Variants in ZDBF2 observed in about 807,000 individuals in gnomAD.
ZDBF2 encodes the protein DBF4-type zinc finger-containing protein 2.
A neutral mutation model predicts 9.4 loss-of-function variants in ZDBF2; 6 were observed. The observed-to-expected ratio is 0.64, with a 90% CI of 0.35 to 1.27. The LOEUF is 1.27. Among genes scored for constraint, ZDBF2 ranks in the 50% most tolerant of loss-of-function variants. The pLI is 0.03. For synonymous variants in ZDBF2, 905 were observed against 946.3 expected (o/e 0.96, Z 0.80); for missense variants, 2,697 against 2,766.8 (o/e 0.97, Z 0.57).
chr2:206,278,506 C>G (rs895871), intron 1 of ZDBF2, among the ~76,000 whole-genome samples: 73,460 of 152,010 alleles, frequency 0.48, 19,483 homozygotes, highest in Non-Finnish European at 0.6. Context: ...CCTAAAGATA[C>G]GGTCTAAATT....
intron 4 of ZDBF2, among the ~76,000 whole-genome samples, chr2:206,301,910 G>A (rs528342890): frequency 6.7e-6 from 1 of 148,424 alleles, no homozygotes; most frequent in South Asian, 2.1e-4. Context: ...AAAATATGAT[G>A]TTTTTATTTT....
chr2:206,286,951 G>C (rs142212283), intron 3 of ZDBF2, among the ~76,000 whole-genome samples: 1 of 152,114 alleles, frequency 6.6e-6, no homozygotes, highest in Non-Finnish European at 1.5e-5. Context: ...TAAGTAGGTA[G>C]TAGATCCCTC....
intron 1 of ZDBF2, among the ~76,000 whole-genome samples, chr2:206,278,871 C>T (rs1015976826): frequency 5.9e-5 from 9 of 152,162 alleles, no homozygotes; most frequent in African/African-American, 2.2e-4. Context: ...TTCCCAATTT[C>T]ATTTTAAATT....
rs187923803 is a variant in ZDBF2 at position 206,298,086 on chromosome 2, A to T, written c.188+713A>T. ...TCCACATTAATAGAACTCTTTGCTA[A>T]TTCTGAGGAAAAGAGGTAGCCAAAA... is the stretch of plus-strand genomic sequence containing the variant. On this transcript the variant is annotated intron_variant, in intron 4 of 4. Transcript: ENST00000374423. 2.0e-5 allele frequency among the ~76,000 whole-genome samples: 3 copies of T among 152,348 alleles called. No homozygotes were observed. In the East Asian group the frequency reaches 5.8e-4, roughly 29 times the overall value.
chr2:206,275,374 C>G (rs142222286), intron 1 of ZDBF2, among the ~76,000 whole-genome samples: 1 of 152,212 alleles, frequency 6.6e-6, no homozygotes, highest in Non-Finnish European at 1.5e-5. Context: ...CCCCTTCCCC[C>G]AGTGCCCTGC....
rs1315449041 is a variant in ZDBF2 at position 206,307,005 on chromosome 2, T to C, written c.2477T>C (p.Val826Ala). Residue 826 changes from valine to alanine, a missense_variant, in exon 5 of 5, where the codon GTC (valine) becomes GCC (alanine). By Grantham distance (64) the Val-to-Ala change is moderately conservative (BLOSUM62 0). Transcript: ENST00000374423. ...DLESKSNESC[V>A]SEITFDSDIP... ...GAAAGTAAAAGTAATGAATCTTGTG[T>C]CTCTGAAATAACTTTTGATTCTGAT... 2 of 1,613,552 alleles carry C rather than the reference T, an allele frequency of 1.2e-6. No homozygotes were observed. Among genetic ancestry groups the C allele is most frequent in the South Asian group, 2.2e-5 (2 of 91,070 alleles).
At chr2:206,302,890 G>T (rs1054264540) in intron 4 of ZDBF2, among the ~76,000 whole-genome samples, 1 of 152,110 alleles carries the variant, frequency 6.6e-6, no homozygotes, top group African/African-American at 2.4e-5. Flanking sequence ...TAAATTTTTA[G>T]GTGTTTATTT....
Position 206,310,154 on chromosome 2 carries a change from G to A in ZDBF2, c.5626G>A (p.Val1876Ile). Residue 1876 changes from valine (V) to isoleucine (I), a missense_variant, in exon 5 of 5, where the codon GTT becomes ATT. Physicochemically the swap from Val to Ile is conservative, Grantham distance 29. Coordinates refer to ENST00000374423, the MANE Select transcript of ZDBF2 (RefSeq NM_020923.3). Reference protein sequence around the residue: ...KKVSSKGKKKVTWADLQGKED... With the variant: ...KKVSSKGKKKITWADLQGKED... ...AGTTTCTTCGAAGGGGAAAAAAAAG[G>A]TTACCTGGGCTGACTTGCAAGGTAA... 3 of 1,613,464 alleles carry A rather than the reference G, an allele frequency of 1.9e-6. No homozygotes were observed. Among genetic ancestry groups the A allele is most frequent in the Non-Finnish European group, 2.5e-6 (3 of 1,179,732 alleles).
chr2:206,308,734 C>G lies in ZDBF2; in HGVS notation c.4206C>G (p.Ser1402Arg). Residue 1402 changes from serine (S) to arginine (R), a missense_variant, in exon 5 of 5, where the codon AGC becomes AGG. Coordinates refer to ENST00000374423, the MANE Select transcript of ZDBF2 (RefSeq NM_020923.3). ...KEDHIYLEDK[S>R]YKLGDFDVSY... ...ACCATATTTACCTGGAAGATAAGAGCTATAAATTAGGTGATTTTGATGTAA... is the reference window on the plus strand; with the variant it reads ...ACCATATTTACCTGGAAGATAAGAGGTATAAATTAGGTGATTTTGATGTAA... 2 of 1,613,162 alleles carry G rather than the reference C, an allele frequency of 1.2e-6. No individual in the cohort carries two copies. Among genetic ancestry groups the G allele is most frequent in the Non-Finnish European group, 1.7e-6 (2 of 1,179,724 alleles).
Position 206,309,931 on chromosome 2 carries a change from G to GA in ZDBF2, c.5409dup (p.Ala1804SerfsTer8). Reference sequence around the variant, plus strand: ...TCAAGGTTGATTCTGTAAGGAACCTGAAAAAAGCAAAGGATGTCATAGAGG... The same window carrying GA: ...TCAAGGTTGATTCTGTAAGGAACCTGAAAAAAAGCAAAGGATGTCATAGAGG... On this transcript the variant is annotated frameshift_variant, in exon 5 of 5. Coordinates refer to ENST00000374423, the MANE Select transcript of ZDBF2 (RefSeq NM_020923.3). LOFTEE classifies it low-confidence loss of function (END_TRUNC). 2 of 1,613,690 alleles carry GA rather than the reference G, an allele frequency of 1.2e-6. No individual in the cohort carries two copies. The highest frequency in any genetic ancestry group is 8.5e-7 in the Non-Finnish European group (1 of 1,179,828).
intron 4 of ZDBF2, 57 bp downstream of exon 4, chr2:206,297,430 T>A: frequency 6.8e-7 from 1 of 1,463,792 alleles, no homozygotes; most frequent in Non-Finnish European, 9.3e-7. Context: ...AGTAGGTGTT[T>A]GTGTTCATGT....
chr2:206,308,139 A>T lies in ZDBF2; in HGVS notation c.3611A>T (p.Asp1204Val). 1 of 1,613,978 alleles carries T rather than the reference A, an allele frequency of 6.2e-7. No homozygotes were observed. Among genetic ancestry groups the T allele is most frequent in the African/African-American group, 1.3e-5 (1 of 75,054 alleles). Residue 1204 changes from aspartate to valine, a missense_variant, in exon 5 of 5, where the codon GAT (aspartate) becomes GTT (valine). By Grantham distance (152) the Asp-to-Val change is radical. This residue lies in a region of ZDBF2 where 1,783 missense variants were observed against 1,776.5 expected (regional missense o/e 1.00). Transcript: ENST00000374423. ...GGTTCTGAAGTAAGTTTTGATTCTGATGACCCTCTTCAGTCAGTGGCTGAC... is the reference window on the plus strand; with the variant it reads ...GGTTCTGAAGTAAGTTTTGATTCTGTTGACCCTCTTCAGTCAGTGGCTGAC... ...CCGSEVSFDSDDPLQSVADRL... is the reference protein window; with the variant it reads ...CCGSEVSFDSVDPLQSVADRL...
chr2:206,275,590 G>A (rs1441971062), intron 1 of ZDBF2, among the ~76,000 whole-genome samples: 1 of 152,082 alleles, frequency 6.6e-6, no homozygotes, highest in Non-Finnish European at 1.5e-5. Context: ...GATGATTCTT[G>A]GTAGCTCGTG....
intron 1 of ZDBF2, among the ~76,000 whole-genome samples, chr2:206,275,508 G>T (rs553302876): frequency 6.6e-6 from 1 of 152,302 alleles, no homozygotes; most frequent in South Asian, 2.1e-4. Flanking sequence ...TTGTGTAAAT[G>T]TGGTCGTGTT....
At chr2:206,275,969 G>C (rs1162700835) in intron 1 of ZDBF2, among the ~76,000 whole-genome samples, 1 of 152,202 alleles carries the variant, frequency 6.6e-6, no homozygotes, top group African/African-American at 2.4e-5. Context: ...CAGTGATTTG[G>C]ATAGAAATAA....
At chr2:206,298,864 T>C (rs1183227236) in intron 4 of ZDBF2, among the ~76,000 whole-genome samples, 1 of 151,934 alleles carries the variant, frequency 6.6e-6, no homozygotes, top group Non-Finnish European at 1.5e-5. Context: ...TCAGCAAACA[T>C]GTTTTTACAT....
chr2:206,307,407 C>G lies in ZDBF2; in HGVS notation c.2879C>G (p.Ser960Cys), dbSNP rs746154020. The G allele has an allele frequency of 6.2e-7, 1 of 1,612,828 alleles. No homozygotes were observed. The change falls in exon 5 of 5, where the codon TCT becomes TGT. Residue 960 changes from serine (S) to cysteine (C), a missense_variant. Physicochemically the swap from Ser to Cys is moderately radical, Grantham distance 112. Transcript: ENST00000374423. ...AGTGTTTTTGAAACAAGTTTGGATTCTGATGTCCCTCTTCAGGCAGCGACT... is the reference window on the plus strand; with the variant it reads ...AGTGTTTTTGAAACAAGTTTGGATTGTGATGTCCCTCTTCAGGCAGCGACT... ...NKSVFETSLD[S>C]DVPLQAATHK...
At position 206,307,629 on chromosome 2, in the gene ZDBF2, A is replaced by G. The variant is rs372894843; in HGVS notation, c.3101A>G (p.Asp1034Gly). 3.1e-6 allele frequency: 5 copies of G among 1,612,312 alleles called. No homozygotes were observed. In the African/African-American group the frequency reaches 6.7e-5, roughly 22 times the overall value. ...CAATATGTTCTAGAAAACAAGAATG[A>G]TAAATGTAGTGGTTCTGAAATAATT... is the stretch of plus-strand genomic sequence containing the variant. ...KKQYVLENKN[D>G]KCSGSEIILD... is the part of the protein sequence containing the mutation. The change falls in exon 5 of 5, where the codon GAT becomes GGT. Residue 1034 changes from aspartate to glycine, a missense_variant. Asp to Gly is a moderately conservative substitution (Grantham distance 94, BLOSUM62 -1). Coordinates refer to ENST00000374423, the MANE Select transcript of ZDBF2 (RefSeq NM_020923.3).
intron 3 of ZDBF2, among the ~76,000 whole-genome samples, chr2:206,296,466 A>G (rs1235024840): frequency 6.6e-6 from 1 of 152,128 alleles, no homozygotes; most frequent in Non-Finnish European, 1.5e-5. Context: ...GTTTTATTTC[A>G]TTATCAGTTA....
Sources: allele counts gnomAD v4.1 joint callset (sites outside exome capture counted in the v4.1 genomes callset), GRCh38; gene constraint gnomAD v4.1.1; regional missense constraint gnomAD v4.1.1; transcripts MANE v1.5; gene names NCBI Gene and HGNC (gene_info 2026-07-23, HGNC 2026-07-21).